PROKR2: variants seen among roughly 807,000 people sequenced by gnomAD.
PROKR2 encodes G protein-coupled receptor 73-like 1.
Under a neutral mutation model 23.4 loss-of-function variants are expected in PROKR2, and 26 were observed. The ratio of observed to expected loss-of-function variants is 1.11; its 90% CI spans 0.81 to 1.54. The LOEUF (loss-of-function observed/expected upper bound fraction) is 1.54, where lower values mean the gene tolerates loss of function less well. PROKR2 is among the 40% of genes most tolerant of loss of function. The probability of loss-of-function intolerance (pLI) is 0.00; values close to 1 mark genes in which losing one functional copy is unlikely to be tolerated. For synonymous variants in PROKR2, 212 were observed against 201.2 expected (o/e 1.05, Z -0.45); for missense variants, 453 against 511.5 (o/e 0.89, Z 1.10).
chr20:5,303,598 A>G (rs1243106365), intron 2 of PROKR2, among the ~76,000 whole-genome samples: 3 of 152,130 alleles, frequency 2.0e-5, no homozygotes, highest in Non-Finnish European at 4.4e-5. Flanking sequence ...AAATGAGCTC[A>G]TTTGTGTGGA....
intron 2 of PROKR2, 86 bp downstream of exon 2, chr20:5,313,826 T>C: frequency 1.7e-6 from 2 of 1,144,662 alleles, no homozygotes; most frequent in South Asian, 2.7e-5. Context: ...CATTCCTATC[T>C]GGAGCAATGT....
chr20:5,301,938 A>T lies in PROKR2; in HGVS notation c.*102T>A. 9.2e-7 allele frequency: 1 copy of T among 1,086,988 alleles called. No homozygotes were observed. Among genetic ancestry groups the T allele is most frequent in the South Asian group, 1.5e-5 (1 of 68,194 alleles). 67.3% of individuals were successfully genotyped at this position (1,086,988 alleles called of 1,614,324 possible). A position where few individuals can be genotyped will look rare whatever the true frequency, so the allele number is the denominator to read the frequency against. ...AGCTTCTTGAGGGCACGGGGGAGGC[A>T]TGAACACAGATGTCATTTCCCATGC... On this transcript the variant is annotated 3_prime_UTR_variant, in exon 3 of 3. Coordinates refer to ENST00000678254, the MANE Select transcript of PROKR2 (RefSeq NM_144773.4).
rs774378546 is a variant in PROKR2, at chr20:5,313,894, C to T, written c.458+18G>A. ...AGCCTGGCCCAGCCCCACCACTCAC[C>T]CCACCCACCATCCTCACCTGTCAAT... On this transcript the variant is annotated intron_variant, in intron 2 of 2. Transcript: ENST00000678254. The T allele has an allele frequency of 6.4e-5, 103 of 1,608,894 alleles. No individual in the cohort carries two copies. The highest frequency in any genetic ancestry group is 8.5e-5 in the Non-Finnish European group (100 of 1,175,690).
In PROKR2 at chr20:5,315,505, G is replaced by A. The variant is rs141860274; in HGVS notation, c.-9+989C>T. ...AAAGGGGCCCTGGCTGTCCAGCTGTGAGTGGCCTTCCCCTCGCCTCTCAGC... is the reference window on the plus strand; with the variant it reads ...AAAGGGGCCCTGGCTGTCCAGCTGTAAGTGGCCTTCCCCTCGCCTCTCAGC... On this transcript the variant is annotated intron_variant, in intron 1 of 2. Transcript: ENST00000678254. Among the ~76,000 whole-genome samples, 226 of 152,314 alleles carry A rather than the reference G, an allele frequency of 1.5e-3. 1 individual carries two copies. Among genetic ancestry groups the A allele is most frequent in the African/African-American group, 5.0e-3 (208 of 41,576 alleles).
At chr20:5,309,103 G>A (rs1298677582) in intron 2 of PROKR2, among the ~76,000 whole-genome samples, 2 of 152,214 alleles carry the variant, frequency 1.3e-5, no homozygotes, top group East Asian at 3.9e-4. Context: ...TGACCTGCCT[G>A]CATGGTACAA....
chr20:5,313,951 T>C lies in PROKR2; in HGVS notation c.419A>G (p.Tyr140Cys). 1 of 1,614,088 alleles carries C rather than the reference T, an allele frequency of 6.2e-7. No homozygotes were observed. The highest frequency in any genetic ancestry group is 8.5e-7 in the Non-Finnish European group (1 of 1,180,020). The part of the protein sequence containing the change: ...SVNYLRTVSL[Y>C]VSTNALLAIA... ...GGCCAGCAAGGCATTGGTGGAGACG[T>C]AGAGGGAGACGGTGCGCAGGTAGTT... The change falls in exon 2 of 3, where the codon TAC (tyrosine) becomes TGC (cysteine). Residue 140 changes from tyrosine (Y) to cysteine (C), a missense_variant. By Grantham distance (194) the Tyr-to-Cys change is radical. Coordinates refer to ENST00000678254, the MANE Select transcript of PROKR2 (RefSeq NM_144773.4).
In PROKR2 at chr20:5,301,695, C is replaced by T. The variant is rs941689808; in HGVS notation, c.*345G>A. On this transcript the variant is annotated 3_prime_UTR_variant, in exon 3 of 3. Coordinates refer to ENST00000678254, the MANE Select transcript of PROKR2 (RefSeq NM_144773.4). ...TAATCAAATCAAGTGTTTTTTATTACAGTAGGTGAAGAGTAAATGTCAGCT... is the reference window on the plus strand; with the variant it reads ...TAATCAAATCAAGTGTTTTTTATTATAGTAGGTGAAGAGTAAATGTCAGCT... 6.6e-6 allele frequency among the ~76,000 whole-genome samples: 1 copy of T among 152,118 alleles called. No individual in the cohort carries two copies. Among genetic ancestry groups the T allele is most frequent in the African/African-American group, 2.4e-5 (1 of 41,396 alleles).
At chr20:5,314,797 A>G (rs1979596079) in intron 1 of PROKR2, among the ~76,000 whole-genome samples, 1 of 152,168 alleles carries the variant, frequency 6.6e-6, no homozygotes, top group South Asian at 2.1e-4. Flanking sequence ...TCCAGCCCCC[A>G]ACACATCAGC....
chr20:5,316,107 CG>C lies in PROKR2; in HGVS notation c.-9+386del. On this transcript the variant is annotated intron_variant, in intron 1 of 2. Coordinates refer to ENST00000678254, the MANE Select transcript of PROKR2 (RefSeq NM_144773.4). The surrounding 1 kb of genome is among the most constrained non-coding windows in gnomAD (Gnocchi z 5.0). ...GTGCCTCCTGGCTGGAAGAAAACGG[CG>C]GGTGGGTGGAGGATGCGGTGCGCGG... The C allele has an allele frequency of 2.2e-6, 1 of 456,696 alleles. No individual in the cohort carries two copies. Among genetic ancestry groups the C allele is most frequent in the Non-Finnish European group, 4.4e-6 (1 of 226,960 alleles). 28.3% of individuals were successfully genotyped at this position (456,696 alleles called of 1,614,324 possible).
intron 2 of PROKR2, among the ~76,000 whole-genome samples, chr20:5,313,230 C>T (rs1340905759): frequency 6.6e-6 from 1 of 152,180 alleles, no homozygotes; most frequent in Non-Finnish European, 1.5e-5. Context: ...GCAAGGACTT[C>T]TGGAAATATC....
rs368732206 is a variant in PROKR2, at chr20:5,302,723, C to T, written c.472G>A (p.Val158Ile). 1.2e-4 allele frequency: 187 copies of T among 1,613,492 alleles called. 1 individual carries two copies. Among genetic ancestry groups the T allele is most frequent in the Middle Eastern group, 6.6e-4 (4 of 6,084 alleles). ...TTCATCCGTGGTTTCAAGGGGTGAACGATGGCGAGATATCTGGTGGGGGAG... is the reference window on the plus strand; with the variant it reads ...TTCATCCGTGGTTTCAAGGGGTGAATGATGGCGAGATATCTGGTGGGGGAG... Reference protein sequence around the residue: ...AIAIDRYLAIVHPLKPRMNYQ... With the variant: ...AIAIDRYLAIIHPLKPRMNYQ... Residue 158 changes from valine to isoleucine, a missense_variant, in exon 3 of 3, where the codon GTT (valine) becomes ATT (isoleucine). Transcript: ENST00000678254.
In PROKR2 at chr20:5,299,537, C is replaced by T. The variant is rs192943433; in HGVS notation, c.*2503G>A. Among the ~76,000 whole-genome samples, 484 of 151,292 alleles carry T rather than the reference C, an allele frequency of 3.2e-3. No homozygotes were observed. Among genetic ancestry groups the T allele is most frequent in the African/African-American group, 0.011 (455 of 41,432 alleles). On this transcript the variant is annotated 3_prime_UTR_variant, in exon 3 of 3. Transcript: ENST00000678254. ...CTTGGCTTTGAAATGCATTATTACA[C>T]AATGCATTTCAAAGCCAAGCAAGTA... is the stretch of plus-strand genomic sequence containing the variant.
At chr20:5,308,839 T>C (rs2122215197) in intron 2 of PROKR2, among the ~76,000 whole-genome samples, 1 of 152,332 alleles carries the variant, frequency 6.6e-6, no homozygotes, top group East Asian at 1.9e-4. Context: ...TCCCTGTCAA[T>C]ATTTCTGCCA....
In PROKR2 at chr20:5,314,208, G is replaced by C. The variant is rs770056339; in HGVS notation, c.162C>G (p.Ile54Met). 6.2e-7 allele frequency: 1 copy of C among 1,614,198 alleles called. No homozygotes were observed. Among genetic ancestry groups the C allele is most frequent in the South Asian group, 1.1e-5 (1 of 91,084 alleles). ...TGCCTGCCAGTGCAATGCCAATGAC[G>C]ATCTTGGCTGCGAAGAAGGTCCGGG... ...TKTRTFFAAKIVIGIALAGIM... is the reference protein window; with the variant it reads ...TKTRTFFAAKMVIGIALAGIM... The change falls in exon 2 of 3, where the codon ATC becomes ATG. Residue 54 changes from isoleucine (I) to methionine (M), a missense_variant. Physicochemically the swap from Ile to Met is conservative, Grantham distance 10. Coordinates refer to ENST00000678254, the MANE Select transcript of PROKR2 (RefSeq NM_144773.4).
intron 2 of PROKR2, among the ~76,000 whole-genome samples, chr20:5,312,150 AG>A (rs1184236260): frequency 1.3e-5 from 2 of 152,130 alleles, no homozygotes; most frequent in Non-Finnish European, 2.9e-5. Flanking sequence ...CTTGTTACCC[AG>A]GCTGGAGTGC....
Position 5,300,683 on chromosome 20 carries a change from G to C in PROKR2, c.*1357C>G, listed in dbSNP as rs948828305. 6.6e-6 allele frequency among the ~76,000 whole-genome samples: 1 copy of C among 152,200 alleles called. No homozygotes were observed. Among genetic ancestry groups the C allele is most frequent in the African/African-American group, 2.4e-5 (1 of 41,450 alleles). On this transcript the variant is annotated 3_prime_UTR_variant, in exon 3 of 3. Coordinates refer to ENST00000678254, the MANE Select transcript of PROKR2 (RefSeq NM_144773.4). ...AAAACATCATGAATTTAGGACTTGA[G>C]TCTTAGAGTTAGGACCTGAACCCAG...
At position 5,301,989 on chromosome 20, in the gene PROKR2, G is replaced by T. The variant is rs759259121; in HGVS notation, c.*51C>A. The T allele has an allele frequency of 2.6e-6, 4 of 1,519,204 alleles. No individual in the cohort carries two copies. Among genetic ancestry groups the T allele is most frequent in the Non-Finnish European group, 3.6e-6 (4 of 1,100,318 alleles). 94.1% of individuals were successfully genotyped at this position (1,519,204 alleles called of 1,614,324 possible). A position where few individuals can be genotyped will look rare whatever the true frequency, so the allele number is the denominator to read the frequency against. ...AGCCTATGAACTTGGTTGATGGTGG[G>T]TGATGCTCTGAGTACTGGACTGGGG... On this transcript the variant is annotated 3_prime_UTR_variant, in exon 3 of 3. Transcript: ENST00000678254.
intron 2 of PROKR2, among the ~76,000 whole-genome samples, chr20:5,308,876 G>T (rs7264371): frequency 0.51 from 77,652 of 152,030 alleles, 20,136 homozygotes; most frequent in African/African-American, 0.61. Context: ...TCTCTTGCCT[G>T]CCCCCTGCCT....
rs1415464915 is a variant in PROKR2, at chr20:5,302,435, C to T, written c.760G>A (p.Ala254Thr). The change falls in exon 3 of 3, where the codon GCA becomes ACA. Residue 254 changes from alanine (A) to threonine (T), a missense_variant. Ala to Thr is a moderately conservative substitution (Grantham distance 58). Coordinates refer to ENST00000678254, the MANE Select transcript of PROKR2 (RefSeq NM_144773.4). Reference sequence around the variant, plus strand: ...TGCTCCGTCTGGAACCCAGGGACTGCCTTGAACCAGAGCTCCCGGGAGATC... The same window carrying T: ...TGCTCCGTCTGGAACCCAGGGACTGTCTTGAACCAGAGCTCCCGGGAGATC... ...ARISRELWFK[A>T]VPGFQTEQIR... The T allele has an allele frequency of 1.9e-6, 3 of 1,614,062 alleles. No individual in the cohort carries two copies. The highest frequency in any genetic ancestry group is 1.3e-5 in the African/African-American group (1 of 74,908).
Sources: allele counts gnomAD v4.1 joint callset (sites outside exome capture counted in the v4.1 genomes callset), GRCh38; gene constraint gnomAD v4.1.1; non-coding constraint Gnocchi (gnomAD v3.1); transcripts MANE v1.5; gene names NCBI Gene and HGNC (gene_info 2026-07-23, HGNC 2026-07-21).